Variants in CAMTA1 observed in about 807,000 individuals in gnomAD.
CAMTA1 encodes calmodulin binding transcription activator 1, also known as calmodulin-binding transcription activator 1.
Under a neutral mutation model 170.9 loss-of-function variants are expected in CAMTA1, and 27 were observed. The observed-to-expected ratio is 0.16, with a 90% CI of 0.12 to 0.22. The LOEUF (loss-of-function observed/expected upper bound fraction) is 0.22. Ranked by LOEUF, CAMTA1 falls within the 10% of genes least tolerant of loss-of-function variation. The pLI is 1.00. For missense variants in CAMTA1, 1,619 were observed against 2,217.2 expected (o/e 0.73, Z 5.42); for synonymous variants, 833 against 891.5 (o/e 0.93, Z 1.17).
intron 5 of CAMTA1, among the ~76,000 whole-genome samples, chr1:7,359,973 T>C (rs2085417114): frequency 6.6e-6 from 1 of 152,142 alleles, no homozygotes; most frequent in African/African-American, 2.4e-5. Flanking sequence ...CTTCTGAGGC[T>C]GGGAGGGAGG....
intron 3 of CAMTA1, among the ~76,000 whole-genome samples, chr1:6,997,638 C>G (rs1156348819): frequency 6.8e-6 from 1 of 147,474 alleles, no homozygotes; most frequent in African/African-American, 2.5e-5. Flanking sequence ...CTTCTGTTTT[C>G]CATATTTCCT....
At chr1:7,538,804 C>T (rs1357256130) in intron 6 of CAMTA1, among the ~76,000 whole-genome samples, 2 of 152,236 alleles carry the variant, frequency 1.3e-5, no homozygotes, top group African/African-American at 4.8e-5. Context: ...CTGCCCCAGG[C>T]TATGCTTAGA....
At chr1:7,620,900 G>T in intron 6 of CAMTA1, among the ~76,000 whole-genome samples, 1 of 152,228 alleles carries the variant, frequency 6.6e-6, no homozygotes, top group East Asian at 1.9e-4. Context: ...TTCAGACCAA[G>T]CCAGAAGGTC....
At chr1:7,506,065 C>T (rs925421507) in intron 6 of CAMTA1, among the ~76,000 whole-genome samples, 6 of 152,242 alleles carry the variant, frequency 3.9e-5, no homozygotes, top group Admixed American at 6.5e-5. Context: ...CAGAGGGAAG[C>T]GGAGGGTGGA....
At chr1:6,798,770 G>T (rs571786980) in intron 1 of CAMTA1, among the ~76,000 whole-genome samples, 7,171 of 116,110 alleles carry the variant, frequency 0.062, 14 homozygotes, top group East Asian at 0.094. Context: ...CTAATTTTTT[G>T]TATTTTTAGT....
chr1:7,255,603 T>G (rs907678151), intron 5 of CAMTA1, among the ~76,000 whole-genome samples: 1 of 152,196 alleles, frequency 6.6e-6, no homozygotes, highest in East Asian at 1.9e-4. Context: ...CTTAAGGAAG[T>G]GTTCAGGTTG....
At chr1:7,176,666 G>T (rs1221966555) in intron 4 of CAMTA1, among the ~76,000 whole-genome samples, 1 of 152,160 alleles carries the variant, frequency 6.6e-6, no homozygotes, top group African/African-American at 2.4e-5. Context: ...GCACTCACGG[G>T]TTTCTACTCT....
At chr1:7,018,919 A>G (rs1458483378) in intron 3 of CAMTA1, among the ~76,000 whole-genome samples, 1 of 152,170 alleles carries the variant, frequency 6.6e-6, no homozygotes, top group African/African-American at 2.4e-5. Flanking sequence ...GGACAGAAAC[A>G]TGTTAGAGAA....
intron 5 of CAMTA1, among the ~76,000 whole-genome samples, chr1:7,312,880 C>A (rs1257223693): frequency 6.6e-6 from 1 of 152,032 alleles, no homozygotes; most frequent in East Asian, 1.9e-4. Context: ...TAAAGAAGCA[C>A]TTGTTCATTA....
At chr1:7,127,106 G>A (rs1027210138) in intron 4 of CAMTA1, among the ~76,000 whole-genome samples, 22 of 152,136 alleles carry the variant, frequency 1.4e-4, no homozygotes, top group African/African-American at 5.3e-4. Context: ...GGCAGCATGG[G>A]GCCTGGGAGA....
intron 5 of CAMTA1, among the ~76,000 whole-genome samples, chr1:7,260,763 A>G (rs906664932): frequency 1.3e-5 from 2 of 152,316 alleles, no homozygotes; most frequent in Admixed American, 6.5e-5. Flanking sequence ...CACAGATGCT[A>G]TTTGTCCATG....
chr1:7,603,692 A>C (rs1194058177), intron 6 of CAMTA1, among the ~76,000 whole-genome samples: 2 of 152,148 alleles, frequency 1.3e-5, no homozygotes, highest in Non-Finnish European at 2.9e-5. Context: ...ACTTAAGGTT[A>C]ATATTATTAT....
rs2096090343 is a variant in CAMTA1, at chr1:7,674,278, G to C, written c.2779+3241G>C. On this transcript the variant is annotated intron_variant, in intron 10 of 22. Coordinates refer to ENST00000303635, the MANE Select transcript of CAMTA1 (RefSeq NM_015215.4). The surrounding 1 kb of genome is among the most constrained non-coding windows in gnomAD (Gnocchi z 4.1). ...CAGGCACTGAGTGTGTCTTCTGCAA[G>C]ACTCCAGGGTGCTTCAGGGGCAGGA... 6.6e-6 allele frequency among the ~76,000 whole-genome samples: 1 copy of C among 152,154 alleles called. No individual in the cohort carries two copies. The highest frequency in any genetic ancestry group is 6.5e-5 in the Admixed American group (1 of 15,278).
At chr1:7,317,235 T>C (rs1677668015) in intron 5 of CAMTA1, among the ~76,000 whole-genome samples, 1 of 152,208 alleles carries the variant, frequency 6.6e-6, no homozygotes, top group Non-Finnish European at 1.5e-5. Context: ...CGTGTGGTCC[T>C]GGGACAGCCC....
At chr1:7,021,856 G>C (rs1049036103) in intron 3 of CAMTA1, among the ~76,000 whole-genome samples, 3 of 152,168 alleles carry the variant, frequency 2.0e-5, no homozygotes, top group African/African-American at 4.8e-5. Flanking sequence ...ACCCAGCAGG[G>C]GGCATTTCTT....
chr1:7,565,520 G>T lies in CAMTA1; in HGVS notation c.511-74880G>T, dbSNP rs936127756. 6.6e-6 allele frequency among the ~76,000 whole-genome samples: 1 copy of T among 152,164 alleles called. No individual in the cohort carries two copies. ...TCAGGGGCTGGGCTTTCCGCAGAGA[G>T]CCTGGCTCTAGGCTGTCCGGAACAG... On this transcript the variant is annotated intron_variant, in intron 6 of 22. Transcript: ENST00000303635. This position sits in a 1 kb window ranked among gnomAD's most constrained non-coding sequence, Gnocchi z 4.5.
At chr1:7,297,702 G>T (rs902804382) in intron 5 of CAMTA1, among the ~76,000 whole-genome samples, 13 of 152,162 alleles carry the variant, frequency 8.5e-5, no homozygotes, top group African/African-American at 2.9e-4. Context: ...CTTGATTTTT[G>T]CCTTCTCCTA....
At chr1:7,437,703 T>C (rs2092391333) in intron 5 of CAMTA1, among the ~76,000 whole-genome samples, 1 of 152,140 alleles carries the variant, frequency 6.6e-6, no homozygotes, top group Non-Finnish European at 1.5e-5. Context: ...AGATTCTGGG[T>C]CTGTAGAAGC....
At chr1:7,719,228 T>C (rs3011940) in intron 11 of CAMTA1, among the ~76,000 whole-genome samples, 151,738 of 152,282 alleles carry the variant, frequency 1, 75,599 homozygotes, top group East Asian at 1. Flanking sequence ...CGTCGGTGCC[T>C]GAGACTGTGT....
Sources: gnomAD v4.1 joint callset for allele counts (sites outside exome capture counted in the v4.1 genomes callset) on GRCh38, gnomAD v4.1.1 for gene constraint, Gnocchi (gnomAD v3.1) non-coding constraint, MANE v1.5 for transcripts, NCBI Gene and HGNC (gene_info 2026-07-23, HGNC 2026-07-21) for gene names.